The following PMFBP1 variants were observed in gnomAD, a reference collection of about 807,000 sequenced individuals.
PMFBP1 encodes polyamine-modulated factor 1-binding protein 1.
PMFBP1 carries 131 observed loss-of-function variants against 137.8 expected under a neutral mutation model. The observed-to-expected ratio is 0.95, with a 90% CI of 0.82 to 1.10. PMFBP1 has a LOEUF of 1.10. Among genes scored for constraint, PMFBP1 ranks in the 50% least tolerant of loss-of-function variants. PMFBP1 has a pLI of 0.00. For missense variants in PMFBP1, 1,199 were observed against 1,175.4 expected, an observed-to-expected ratio of 1.02 and a Z score of -0.29; for synonymous variants, 490 against 450.4, an observed-to-expected ratio of 1.09 and a Z score of -1.11.
chr16:72,141,472 A>T (rs546949650), intron 5 of PMFBP1, among the ~76,000 whole-genome samples: 43 of 152,314 alleles, frequency 2.8e-4, no homozygotes, highest in African/African-American at 8.7e-4. Flanking sequence ...CTTTCCAGAG[A>T]TGACAGTCTG....
intron 6 of PMFBP1, among the ~76,000 whole-genome samples, chr16:72,140,029 G>A (rs978605298): frequency 6.6e-5 from 10 of 152,134 alleles, no homozygotes; most frequent in Non-Finnish European, 1.5e-5. Flanking sequence ...ATGGAATTCT[G>A]CAACTTATTC....
chr16:72,225,754 G>A, the PMFBP1 span, among the ~76,000 whole-genome samples: 1 of 140,006 alleles, frequency 7.1e-6, no homozygotes. Context: ...TAATAATAAA[G>A]CCTCACAAAA....
rs951523490 is a variant in PMFBP1 at position 72,130,854 on chromosome 16, C to T, written c.1448-132G>A. 5.1e-6 allele frequency: 4 copies of T among 788,044 alleles called. No individual in the cohort carries two copies. In the Admixed American group the frequency reaches 8.7e-5, roughly 17 times the overall value. 48.8% of individuals were successfully genotyped at this position (788,044 alleles called of 1,614,324 possible). On this transcript the variant is annotated intron_variant, in intron 10 of 20. Transcript: ENST00000237353. ...TTCCCAGTCTGTCCTCATTTCTCTC[C>T]ATTTCATGATCAGTCCTAAAGAGCT...
At chr16:72,163,482 T>C (rs549062279) in intron 3 of PMFBP1, among the ~76,000 whole-genome samples, 19 of 152,368 alleles carry the variant, frequency 1.2e-4, no homozygotes, top group Non-Finnish European at 2.5e-4. Context: ...GTCTGCATGT[T>C]CACACATGTG....
the PMFBP1 span, among the ~76,000 whole-genome samples, chr16:72,241,169 C>T: frequency 6.6e-6 from 1 of 152,124 alleles, no homozygotes; most frequent in Non-Finnish European, 1.5e-5. Context: ...TCCTCCAGGA[C>T]AGATAAAGCA....
intron 14 of PMFBP1, chr16:72,128,370 A>C: frequency 7.4e-7 from 1 of 1,358,956 alleles, no homozygotes; most frequent in Non-Finnish European, 9.5e-7. Flanking sequence ...AAATGGATTC[A>C]CTCAACTCTG....
At chr16:72,239,891 AAAAAAAAAAG>A in the PMFBP1 span, among the ~76,000 whole-genome samples, 1 of 136,798 alleles carries the variant, frequency 7.3e-6, no homozygotes, top group Non-Finnish European at 1.5e-5. Flanking sequence ...TGTACAAAAA[AAAAAAAAAAG>A]AAAAAAAAAA....
chr16:72,199,102 G>C, the PMFBP1 span, among the ~76,000 whole-genome samples: 1 of 152,186 alleles, frequency 6.6e-6, no homozygotes, highest in Non-Finnish European at 1.5e-5. Context: ...TAGGACGCAT[G>C]CTTCCCGGGC....
chr16:72,198,220 G>A, the PMFBP1 span, among the ~76,000 whole-genome samples: 1 of 152,154 alleles, frequency 6.6e-6, no homozygotes, highest in Non-Finnish European at 1.5e-5. Context: ...AGTCACGTGA[G>A]CAGAGAGTGC....
At chr16:72,232,222 C>G in the PMFBP1 span, among the ~76,000 whole-genome samples, 1 of 152,154 alleles carries the variant, frequency 6.6e-6, no homozygotes, top group Non-Finnish European at 1.5e-5. Flanking sequence ...ATCATGATGT[C>G]TGATTTGAGA....
rs2042946098 is a variant in PMFBP1 at position 72,154,124 on chromosome 16, G to A, written c.414+87C>T. The A allele has an allele frequency of 2.6e-6, 4 of 1,522,342 alleles. No individual in the cohort carries two copies. In the African/African-American group the frequency reaches 5.5e-5, roughly 21 times the overall value. The allele number at this position is 1,522,342 out of a possible 1,614,324, so 94.3% of individuals were successfully genotyped here. On this transcript the variant is annotated intron_variant, in intron 4 of 20. Coordinates refer to ENST00000237353, the MANE Select transcript of PMFBP1 (RefSeq NM_031293.3). ...TCGGGATGTTGCAAAGCTCTCCTAA[G>A]TCCAGCGTCTGCTTTCTAGTGGGCT...
intron 5 of PMFBP1, among the ~76,000 whole-genome samples, chr16:72,143,513 T>C (rs1369924381): frequency 1.3e-5 from 2 of 151,566 alleles, no homozygotes; most frequent in Non-Finnish European, 2.9e-5. Context: ...GAGGCTGAGG[T>C]GGGAAGATCA....
intron 12 of PMFBP1, among the ~76,000 whole-genome samples, chr16:72,129,463 T>C (rs989814702): frequency 2.0e-5 from 3 of 152,220 alleles, no homozygotes; most frequent in African/African-American, 7.2e-5. Context: ...AAGCACCAGC[T>C]TTCTCTCCCA....
chr16:72,212,165 C>T, the PMFBP1 span, among the ~76,000 whole-genome samples: 5 of 151,864 alleles, frequency 3.3e-5, no homozygotes, highest in African/African-American at 1.2e-4. Flanking sequence ...TTGGAAGGAA[C>T]ACCCTATCAC....
chr16:72,180,269 T>G (rs1295910284), upstream of PMFBP1, among the ~76,000 whole-genome samples: 1 of 152,186 alleles, frequency 6.6e-6, no homozygotes. Flanking sequence ...GGGACTGGTA[T>G]TAGTCTCCAC....
the PMFBP1 span, among the ~76,000 whole-genome samples, chr16:72,245,654 C>G: frequency 6.6e-6 from 1 of 152,184 alleles, no homozygotes; most frequent in Non-Finnish European, 1.5e-5. Context: ...TTCATGGCTT[C>G]TCTCCAGCCA....
chr16:72,201,227 G>C, the PMFBP1 span, among the ~76,000 whole-genome samples: 1 of 152,146 alleles, frequency 6.6e-6, no homozygotes, highest in African/African-American at 2.4e-5. Flanking sequence ...CTATGTCCTT[G>C]GTTCTCAGGC....
chr16:72,178,085 T>G (rs4788616), upstream of PMFBP1, among the ~76,000 whole-genome samples: 73,825 of 151,804 alleles, frequency 0.49, 19,267 homozygotes, highest in African/African-American at 0.69. Context: ...TAGAGACAGG[T>G]TTTCACCATG....
At chr16:72,133,083 T>C (rs2144298877) in intron 9 of PMFBP1, 92 bp from the exon 10 acceptor site, 3 of 1,484,970 alleles carry the variant, frequency 2.0e-6, no homozygotes, top group East Asian at 2.3e-5. Context: ...TCCAAGCCAC[T>C]GGCATCCCCT....
Sources: gnomAD v4.1 joint callset for allele counts (sites outside exome capture counted in the v4.1 genomes callset) on GRCh38, gnomAD v4.1.1 for gene constraint, MANE v1.5 for transcripts, NCBI Gene and HGNC (gene_info 2026-07-23, HGNC 2026-07-21) for gene names.